CREM: variants seen among roughly 807,000 people sequenced by gnomAD.
CREM encodes the protein cAMP-responsive element modulator.
Under a neutral mutation model 37.3 loss-of-function variants are expected in CREM, and 13 were observed. The ratio of observed to expected loss-of-function variants is 0.35; its 90% CI spans 0.23 to 0.55. The LOEUF (loss-of-function observed/expected upper bound fraction) is 0.55. CREM is among the 20% of genes least tolerant of loss of function. CREM has a pLI of 0.88. For missense variants in CREM, 296 were observed against 362.3 expected, an observed-to-expected ratio of 0.82 and a Z score of 1.49; for synonymous variants, 124 against 120.2, an observed-to-expected ratio of 1.03 and a Z score of -0.21.
At chr10:35,208,884 G>A (rs1488484881) in intron 7 of CREM, among the ~76,000 whole-genome samples, 2 of 152,224 alleles carry the variant, frequency 1.3e-5, no homozygotes, top group South Asian at 2.1e-4. Context: ...CAAGAGAAAT[G>A]CAGATGATAC....
At chr10:35,129,621 T>C (rs1364279974) in intron 1 of CREM, among the ~76,000 whole-genome samples, 1 of 152,250 alleles carries the variant, frequency 6.6e-6, no homozygotes, top group Non-Finnish European at 1.5e-5. Context: ...AGCTCTCAAA[T>C]GTCCTGTTCC....
At chr10:35,198,648 A>C (rs2095289985) in intron 6 of CREM, among the ~76,000 whole-genome samples, 1 of 152,144 alleles carries the variant, frequency 6.6e-6, no homozygotes, top group South Asian at 2.1e-4. Flanking sequence ...TTAGGAGCAT[A>C]ATTTCCTATC....
chr10:35,171,187 G>A (rs973283865), intron 3 of CREM: 1 of 16,460 alleles, frequency 6.1e-5, no homozygotes, highest in Non-Finnish European at 1.2e-4. Flanking sequence ...TTTTTTTTTT[G>A]TTAAGGCACA....
At chr10:35,133,050 A>G (rs577432675) in intron 1 of CREM, among the ~76,000 whole-genome samples, 2 of 152,238 alleles carry the variant, frequency 1.3e-5, no homozygotes, top group South Asian at 4.1e-4. Flanking sequence ...AAGGTATGAT[A>G]CCTTTTGTTC....
Position 35,211,498 on chromosome 10 carries a change from T to G in CREM, c.*100T>G. ...TTGTGGGAAGGACACGTGTGACCCT[T>G]AAGAATCCAGTTTGGATTAGTGTTT... is the stretch of plus-strand genomic sequence containing the variant. On this transcript the variant is annotated 3_prime_UTR_variant, in exon 8 of 8. Coordinates refer to ENST00000685392, the MANE Select transcript of CREM (RefSeq NM_183011.2). The G allele has an allele frequency of 1.3e-6, 2 of 1,511,654 alleles. No homozygotes were observed. Among genetic ancestry groups the G allele is most frequent in the Non-Finnish European group, 1.8e-6 (2 of 1,118,872 alleles). 93.6% of individuals were successfully genotyped at this position (1,511,654 alleles called of 1,614,324 possible).
intron 3 of CREM, among the ~76,000 whole-genome samples, chr10:35,160,083 AGT>A (rs971133548): frequency 5.9e-5 from 9 of 152,084 alleles, no homozygotes; most frequent in African/African-American, 2.2e-4. Flanking sequence ...AAACATCTAG[AGT>A]GTACTTACAC....
chr10:35,149,556 C>T (rs2092422420), intron 3 of CREM, among the ~76,000 whole-genome samples: 1 of 152,082 alleles, frequency 6.6e-6, no homozygotes, highest in Admixed American at 6.6e-5. Flanking sequence ...ACTGAAGACA[C>T]CATCAGGGTG....
chr10:35,143,042 C>A (rs952187525), intron 2 of CREM, among the ~76,000 whole-genome samples: 1 of 152,234 alleles, frequency 6.6e-6, no homozygotes, highest in Non-Finnish European at 1.5e-5. Flanking sequence ...ACAATCTTGG[C>A]TTACTGCAAC....
chr10:35,202,386 G>T (rs755207957), intron 6 of CREM, among the ~76,000 whole-genome samples: 2 of 152,124 alleles, frequency 1.3e-5, no homozygotes, highest in Non-Finnish European at 2.9e-5. Flanking sequence ...TAAAACTTGT[G>T]ACATTTAGAT....
At chr10:35,159,645 C>T (rs1156879461) in intron 3 of CREM, among the ~76,000 whole-genome samples, 1 of 152,202 alleles carries the variant, frequency 6.6e-6, no homozygotes, top group Non-Finnish European at 1.5e-5. Context: ...AACTCCTTGA[C>T]ATTAGTCTGG....
rs1491207726 is a variant in CREM at position 35,165,078 on chromosome 10, A to AAAAG, written c.169-13811_169-13810insAAAG. On this transcript the variant is annotated intron_variant, in intron 3 of 7. Transcript: ENST00000685392. ...TCTCAAAAAAAAAAAAAAAAAAAAA[A>AAAAG]GAAAAGGAAAAAGAAATACTTGAGG... Among the ~76,000 whole-genome samples the AAAAG allele has an allele frequency of 7.6e-4, 113 of 148,848 alleles. 3 individuals carry two copies. Among genetic ancestry groups the AAAAG allele is most frequent in the African/African-American group, 2.8e-3 (109 of 39,302 alleles).
At chr10:35,192,177 A>G (rs1483270963) in intron 6 of CREM, among the ~76,000 whole-genome samples, 1 of 152,158 alleles carries the variant, frequency 6.6e-6, no homozygotes, top group Admixed American at 6.5e-5. Flanking sequence ...CCTCCTAATC[A>G]TGCCAGAGGC....
At chr10:35,195,517 T>G (rs1222831285) in intron 6 of CREM, among the ~76,000 whole-genome samples, 1 of 149,894 alleles carries the variant, frequency 6.7e-6, no homozygotes. Context: ...CTCCTCCATC[T>G]CTGTGTCTCT....
chr10:35,167,778 A>T (rs1357710749), intron 3 of CREM: 1 of 1,614,156 alleles, frequency 6.2e-7, no homozygotes, highest in Non-Finnish European at 8.5e-7. Flanking sequence ...GAAGAGGATT[A>T]TTCTTCAGGG....
chr10:35,157,129 A>G (rs1235499778), intron 3 of CREM, among the ~76,000 whole-genome samples: 1 of 152,236 alleles, frequency 6.6e-6, no homozygotes, highest in African/African-American at 2.4e-5. Context: ...CATCAACAGA[A>G]TGAAGGAAAA....
rs542322051 is a variant in CREM at position 35,152,072 on chromosome 10, T to A, written c.168+3581T>A. On this transcript the variant is annotated intron_variant, in intron 3 of 7. Coordinates refer to ENST00000685392, the MANE Select transcript of CREM (RefSeq NM_183011.2). ...CCACTTGTCTCATTTTTCTTCAGAC[T>A]TGAGGATTGTAAATTTCCATATGTT... Among the ~76,000 whole-genome samples the A allele has an allele frequency of 2.0e-4, 30 of 152,374 alleles. 1 individual carries two copies. In the South Asian group the frequency reaches 5.8e-3, roughly 29 times the overall value.
At chr10:35,134,055 G>T (rs60125487) in intron 1 of CREM, among the ~76,000 whole-genome samples, 4,774 of 131,288 alleles carry the variant, frequency 0.036, 127 homozygotes, top group African/African-American at 0.069. Context: ...AAAGTTTTTT[G>T]TTTTTTTTTT....
At position 35,179,179 on chromosome 10, in the gene CREM, G is replaced by A. The variant is rs11010115; in HGVS notation, c.312G>A (p.Lys104=). 6.0e-3 allele frequency: 9,685 copies of A among 1,613,922 alleles called. 442 individuals are homozygous for A. The African/African-American group carries it at 0.11, about 18-fold the overall frequency. ...CCTCTGATGTGCCTGGTGTTCCCAA[G>A]ATTGAAGAAGAGAGATCAGAGGAAG... The part of the protein sequence containing the change: ...ELSSDVPGVP[K]IEEERSEEEG... Residue 104 remains lysine, a synonymous_variant, in exon 5 of 8, where the codon AAG becomes AAA. Transcript: ENST00000685392.
chr10:35,159,847 A>G (rs2093177002), intron 3 of CREM, among the ~76,000 whole-genome samples: 1 of 152,228 alleles, frequency 6.6e-6, no homozygotes, highest in South Asian at 2.1e-4. Context: ...CGAAACACAG[A>G]AGGACTCAAA....
Sources: allele counts gnomAD v4.1 joint callset (sites outside exome capture counted in the v4.1 genomes callset), GRCh38; gene constraint gnomAD v4.1.1; transcripts MANE v1.5; gene names NCBI Gene and HGNC (gene_info 2026-07-23, HGNC 2026-07-21).